GALNT17: variants seen among roughly 807,000 people sequenced by gnomAD.
GALNT17 encodes UDP-GalNAc:polypeptide N-acetylgalactosaminyltransferase-like 3.
GALNT17 carries 29 observed loss-of-function variants against 63.7 expected under a neutral mutation model. The ratio of observed to expected loss-of-function variants is 0.46; its 90% CI spans 0.34 to 0.62. GALNT17 has a LOEUF of 0.62. Among genes scored for constraint, GALNT17 ranks in the 20% least tolerant of loss-of-function variants. The pLI, the probability that GALNT17 is intolerant of heterozygous loss-of-function variation, is 0.01. For missense variants in GALNT17, 603 were observed against 799.6 expected, an observed-to-expected ratio of 0.75 and a Z score of 2.97; for synonymous variants, 305 against 318.3, an observed-to-expected ratio of 0.96 and a Z score of 0.45.
chr7:71,386,302 G>A (rs1020303550), intron 2 of GALNT17, among the ~76,000 whole-genome samples: 3 of 152,174 alleles, frequency 2.0e-5, no homozygotes, highest in African/African-American at 7.2e-5. Flanking sequence ...AGAAACAGCT[G>A]TATTTCTTGC....
chr7:71,595,919 G>T (rs529564801), intron 6 of GALNT17, among the ~76,000 whole-genome samples: 7 of 152,316 alleles, frequency 4.6e-5, no homozygotes, highest in African/African-American at 1.7e-4. Context: ...ATCAATGGGA[G>T]ATGAGGATCC....
chr7:71,256,550 C>T lies in GALNT17; in HGVS notation c.239-79000C>T, dbSNP rs184487163. 1.1e-3 allele frequency among the ~76,000 whole-genome samples: 163 copies of T among 152,088 alleles called. 2 individuals carry two copies. The Middle Eastern group carries it at 0.024, about 22-fold the overall frequency. ...TGGCACCACTGCACTCCAGCCTGGG[C>T]GACAGAGTGAGACTCCGTCTCAAAA... On this transcript the variant is annotated intron_variant, in intron 1 of 10. Coordinates refer to ENST00000333538, the MANE Select transcript of GALNT17 (RefSeq NM_022479.3).
chr7:71,238,530 G>T (rs753771551), intron 1 of GALNT17, among the ~76,000 whole-genome samples: 14 of 152,092 alleles, frequency 9.2e-5, no homozygotes, highest in Non-Finnish European at 1.8e-4. Context: ...ACTGCACCTG[G>T]TCTGTGTTCA....
At chr7:71,664,001 A>G (rs1164009491) in intron 6 of GALNT17, among the ~76,000 whole-genome samples, 1 of 143,946 alleles carries the variant, frequency 6.9e-6, no homozygotes, top group Non-Finnish European at 1.5e-5. Context: ...TAGGAACCTC[A>G]TTTCCATAAA....
intron 1 of GALNT17, among the ~76,000 whole-genome samples, chr7:71,149,982 C>T (rs148737154): frequency 4.1e-4 from 63 of 152,202 alleles, no homozygotes; most frequent in Admixed American, 2.9e-3. Flanking sequence ...GAAAGTGTGT[C>T]GGGGGCTGGA....
At chr7:71,366,451 G>T (rs930058130) in intron 2 of GALNT17, among the ~76,000 whole-genome samples, 2 of 152,094 alleles carry the variant, frequency 1.3e-5, no homozygotes, top group Admixed American at 1.3e-4. Context: ...CATGGTGGCG[G>T]GCGCCTGTAA....
chr7:71,206,957 A>C (rs1489078196), intron 1 of GALNT17, among the ~76,000 whole-genome samples: 2 of 152,026 alleles, frequency 1.3e-5, no homozygotes, highest in African/African-American at 4.8e-5. Flanking sequence ...TACAAAAAAA[A>C]TAGCTGGGCG....
intron 1 of GALNT17, among the ~76,000 whole-genome samples, chr7:71,317,036 C>G (rs182021157): frequency 5.3e-5 from 8 of 152,318 alleles, no homozygotes; most frequent in Non-Finnish European, 1.2e-4. Flanking sequence ...AATATCCCAA[C>G]TGTTTGTCTT....
intron 1 of GALNT17, among the ~76,000 whole-genome samples, chr7:71,263,773 AAGTT>A (rs1790434740): frequency 6.6e-6 from 1 of 151,846 alleles, no homozygotes; most frequent in South Asian, 2.1e-4. Context: ...AAAATACAAA[AAGTT>A]AGCCGGCGTG....
At chr7:71,585,874 C>G (rs1789708908) in intron 6 of GALNT17, among the ~76,000 whole-genome samples, 1 of 151,724 alleles carries the variant, frequency 6.6e-6, no homozygotes, top group Non-Finnish European at 1.5e-5. Flanking sequence ...TTCCTCCTCC[C>G]CACCCCACAC....
chr7:71,205,770 A>G (rs1789260832), intron 1 of GALNT17, among the ~76,000 whole-genome samples: 1 of 152,110 alleles, frequency 6.6e-6, no homozygotes, highest in Non-Finnish European at 1.5e-5. Flanking sequence ...AAAACACAGG[A>G]TTTCTGCATA....
chr7:71,640,393 C>T (rs927055999), intron 6 of GALNT17, among the ~76,000 whole-genome samples: 7 of 152,068 alleles, frequency 4.6e-5, no homozygotes, highest in East Asian at 1.9e-4. Context: ...CCACTCATCT[C>T]CAAGGAGTCT....
chr7:71,423,636 A>G (rs1354000839), intron 5 of GALNT17, among the ~76,000 whole-genome samples: 1 of 152,216 alleles, frequency 6.6e-6, no homozygotes, highest in African/African-American at 2.4e-5. Context: ...AAGTTTAGCC[A>G]GGCCCAGTGG....
intron 5 of GALNT17, among the ~76,000 whole-genome samples, chr7:71,517,398 G>A (rs1305160896): frequency 6.6e-6 from 1 of 152,138 alleles, no homozygotes; most frequent in Non-Finnish European, 1.5e-5. Context: ...CTGGGTGTTA[G>A]CACTTCAATA....
At position 71,260,582 on chromosome 7, in the gene GALNT17, A is replaced by G. The variant is rs185669513; in HGVS notation, c.239-74968A>G. On this transcript the variant is annotated intron_variant, in intron 1 of 10. Transcript: ENST00000333538. ...CAGGAGTTTTACTCCTTGAGACACT[A>G]TTTGGATTTTTTAAAATCTTTTTTT... Among the ~76,000 whole-genome samples, 6 of 148,458 alleles carry G rather than the reference A, an allele frequency of 4.0e-5. 1 individual carries two copies. The highest frequency in any genetic ancestry group is 3.4e-4 in the Admixed American group (5 of 14,638).
intron 1 of GALNT17, among the ~76,000 whole-genome samples, chr7:71,175,061 C>G (rs1165768556): frequency 6.6e-6 from 1 of 152,254 alleles, no homozygotes; most frequent in African/African-American, 2.4e-5. Flanking sequence ...GCTTATCCTT[C>G]TTTCTATTCT....
At chr7:71,554,808 A>G (rs1789135525) in intron 5 of GALNT17, among the ~76,000 whole-genome samples, 1 of 152,244 alleles carries the variant, frequency 6.6e-6, no homozygotes, top group African/African-American at 2.4e-5. Context: ...ACCTTCTCTT[A>G]TGTCTGTCTC....
chr7:71,359,435 C>T (rs191582645), intron 2 of GALNT17, among the ~76,000 whole-genome samples: 101 of 152,176 alleles, frequency 6.6e-4, no homozygotes, highest in African/African-American at 2.4e-3. Flanking sequence ...AGTAGAGAAC[C>T]CACTACCATG....
At chr7:71,241,631 T>C (rs919106148) in intron 1 of GALNT17, among the ~76,000 whole-genome samples, 36 of 152,208 alleles carry the variant, frequency 2.4e-4, no homozygotes, top group African/African-American at 8.0e-4. Context: ...CTCATGCCTG[T>C]AATCCCAGCA....
Sources: allele counts gnomAD v4.1 joint callset (sites outside exome capture counted in the v4.1 genomes callset), GRCh38; gene constraint gnomAD v4.1.1; transcripts MANE v1.5; gene names NCBI Gene and HGNC (gene_info 2026-07-23, HGNC 2026-07-21).